SEMA5B: variants seen among roughly 807,000 people sequenced by gnomAD.
SEMA5B encodes the protein semaphorin-5B.
A neutral mutation model predicts 135.0 loss-of-function variants in SEMA5B; 66 were observed. That is an observed-to-expected ratio of 0.49 (90% CI 0.40 to 0.60). The LOEUF (loss-of-function observed/expected upper bound fraction) is 0.60, where lower values mean the gene tolerates loss of function less well. Ranked by LOEUF, SEMA5B falls within the 20% of genes least tolerant of loss-of-function variation. The probability of loss-of-function intolerance (pLI) is 0.00; values close to 1 mark genes in which losing one functional copy is unlikely to be tolerated. For missense variants in SEMA5B, 1,501 were observed against 1,566.3 expected (o/e 0.96, Z 0.70); for synonymous variants, 690 against 639.5 (o/e 1.08, Z -1.19).
rs9849701 is a variant in SEMA5B at position 122,994,320 on chromosome 3, T to G, written c.-38-33019A>C. Among the ~76,000 whole-genome samples the G allele has an allele frequency of 6.0e-3, 910 of 152,240 alleles. 17 individuals are homozygous for G. The highest frequency in any genetic ancestry group is 0.019 in the African/African-American group (805 of 41,530). On this transcript the variant is annotated intron_variant, in intron 1 of 22. Transcript: ENST00000357599. ...TTAGCCACCTGTAGGTCTGAACACC[T>G]CTCTGTTTCATATCTTGGCTACCAC...
intron 7 of SEMA5B, 86 bp from the exon 8 acceptor site, chr3:122,928,089 G>T: frequency 1.0e-6 from 1 of 978,764 alleles, no homozygotes; most frequent in East Asian, 2.8e-5. Context: ...TTCCTCCTGT[G>T]CCCCAGTCTC....
intron 1 of SEMA5B, among the ~76,000 whole-genome samples, chr3:122,969,536 C>G (rs960415977): frequency 3.3e-5 from 5 of 152,172 alleles, no homozygotes; most frequent in Non-Finnish European, 5.9e-5. Flanking sequence ...ACTGCCAGGG[C>G]CTCTGATCGT....
chr3:122,957,155 G>C (rs80030590), intron 2 of SEMA5B, among the ~76,000 whole-genome samples: 1 of 152,232 alleles, frequency 6.6e-6, no homozygotes, highest in East Asian at 1.9e-4. Flanking sequence ...CTGAAGAGGA[G>C]GATTTGTGGA....
intron 1 of SEMA5B, among the ~76,000 whole-genome samples, chr3:123,001,250 G>A (rs1942168118): frequency 6.6e-6 from 1 of 152,164 alleles, no homozygotes; most frequent in Admixed American, 6.5e-5. Context: ...TACAGTGGGT[G>A]GCAGCCACTG....
In SEMA5B at chr3:122,912,028, C is replaced by A. The variant is rs974099160; in HGVS notation, c.2938G>T (p.Asp980Tyr). The A allele has an allele frequency of 5.6e-6, 9 of 1,613,702 alleles. No individual in the cohort carries two copies. The highest frequency in any genetic ancestry group is 1.3e-5 in the African/African-American group (1 of 74,920). The change falls in exon 20 of 23, where the codon GAC becomes TAC. Residue 980 changes from aspartate to tyrosine, a missense_variant. This residue lies in a region of SEMA5B where 927 missense variants were observed against 881.6 expected (regional missense o/e 1.05). Coordinates refer to ENST00000357599, the MANE Select transcript of SEMA5B (RefSeq NM_001031702.4). The stretch of plus-strand genomic sequence containing the variant: ...TGCCGGCTTCGGCTCTGGGCTCCGT[C>A]GTCAGTGCACTTACTCCACTCAGAC... ...PWSEWSKCTD[D>Y]GAQSRSRHCE... is the part of the protein sequence containing the mutation.
intron 1 of SEMA5B, among the ~76,000 whole-genome samples, chr3:122,963,158 T>C (rs1940661662): frequency 6.6e-6 from 1 of 152,182 alleles, no homozygotes. Flanking sequence ...CTAATGAAAC[T>C]TTCAATTACA....
chr3:122,924,546 G>A (rs1425050720), intron 9 of SEMA5B, among the ~76,000 whole-genome samples: 2 of 152,190 alleles, frequency 1.3e-5, no homozygotes, highest in Non-Finnish European at 2.9e-5. Flanking sequence ...TCGCTGGACT[G>A]CTTCAAACCT....
At position 122,910,184 on chromosome 3, in the gene SEMA5B, G is replaced by T; in HGVS notation, c.3415C>A (p.Pro1139Thr). The change falls in exon 23 of 23, where the codon CCC becomes ACC. Residue 1139 changes from proline to threonine, a missense_variant. Physicochemically the swap from Pro to Thr is conservative, Grantham distance 38. Coordinates refer to ENST00000357599, the MANE Select transcript of SEMA5B (RefSeq NM_001031702.4). ...CACCGTTGTCCAGGTGAGGCCTCGG[G>T]CCGGAAGCTGTGTTTGTTCAGGGGG... is the stretch of plus-strand genomic sequence containing the variant. ...PSPLNKHSFR[P>T]EASPGQRCFP... 1.2e-5 allele frequency: 19 copies of T among 1,614,244 alleles called. No homozygotes were observed. The highest frequency in any genetic ancestry group is 1.5e-5 in the Non-Finnish European group (18 of 1,180,036).
intron 5 of SEMA5B, among the ~76,000 whole-genome samples, chr3:122,934,395 G>A (rs980308972): frequency 6.6e-6 from 1 of 152,172 alleles, no homozygotes; most frequent in Non-Finnish European, 1.5e-5. Context: ...ATTGAATGAA[G>A]TTTTTAGCTC....
intron 1 of SEMA5B, among the ~76,000 whole-genome samples, chr3:123,013,328 G>A (rs373403788): frequency 2.1e-4 from 32 of 152,230 alleles, no homozygotes; most frequent in East Asian, 1.9e-3. Flanking sequence ...CACAACACCC[G>A]CCCGCTTCTG....
intron 1 of SEMA5B, among the ~76,000 whole-genome samples, chr3:122,962,812 GCCCCAGCTTCCCCAA>G (rs1940644341): frequency 6.6e-6 from 1 of 152,116 alleles, no homozygotes; most frequent in South Asian, 2.1e-4. Flanking sequence ...CTCAGACTCT[GCCCCAGCTTCCCCAA>G]CCCCCTGACC....
chr3:122,927,961 C>T lies in SEMA5B; in HGVS notation c.679G>A (p.Ala227Thr). ...TGGCGTGGGTCATAGGGGCAGCGGG[C>T]CACACCATTGATCTTCTCAATAGTC... ...SRTIEKINGV[A>T]RCPYDPRHNS... Residue 227 changes from alanine to threonine, a missense_variant, in exon 8 of 23, where the codon GCC becomes ACC. Ala to Thr is a moderately conservative substitution (Grantham distance 58). Around this residue, in one of 2 missense-constraint regions of SEMA5B, gnomAD observed 574 missense variants for 684.7 expected, o/e 0.84. Coordinates refer to ENST00000357599, the MANE Select transcript of SEMA5B (RefSeq NM_001031702.4). The T allele has an allele frequency of 1.3e-6, 2 of 1,554,078 alleles. No homozygotes were observed. The highest frequency in any genetic ancestry group is 1.7e-6 in the Non-Finnish European group (2 of 1,148,740).
intron 1 of SEMA5B, among the ~76,000 whole-genome samples, chr3:122,974,102 C>G (rs1177264118): frequency 6.6e-6 from 1 of 152,196 alleles, no homozygotes; most frequent in Non-Finnish European, 1.5e-5. Flanking sequence ...GCACACCACC[C>G]CCCATCTGCT....
chr3:122,916,036 T>C (rs2107620055), intron 12 of SEMA5B, 146 bp from the exon 13 acceptor site: 1 of 649,894 alleles, frequency 1.5e-6, no homozygotes, highest in East Asian at 2.7e-5. Context: ...GGGCCTTTAC[T>C]GTGTGTAAGG....
chr3:122,938,404 T>G (rs1462168272), intron 5 of SEMA5B, among the ~76,000 whole-genome samples: 1 of 152,180 alleles, frequency 6.6e-6, no homozygotes, highest in Non-Finnish European at 1.5e-5. Flanking sequence ...GCACAGATTT[T>G]CTGCTTCCTT....
At chr3:123,014,875 T>C (rs1395627504) in intron 1 of SEMA5B, among the ~76,000 whole-genome samples, 3 of 152,312 alleles carry the variant, frequency 2.0e-5, no homozygotes, top group Non-Finnish European at 1.5e-5. Flanking sequence ...TGTCAGATTA[T>C]TGCCTTATTT....
intron 2 of SEMA5B, among the ~76,000 whole-genome samples, chr3:122,954,877 C>A (rs533481942): frequency 1.3e-5 from 2 of 150,568 alleles, no homozygotes; most frequent in African/African-American, 2.4e-5. Flanking sequence ...ACTGCAGCCT[C>A]AACCTCCCAG....
Position 122,913,325 on chromosome 3 carries a change from G to A in SEMA5B, c.2380C>T (p.Gln794Ter). 1 of 1,571,828 alleles carries A rather than the reference G, an allele frequency of 6.4e-7. No individual in the cohort carries two copies. The highest frequency in any genetic ancestry group is 8.6e-7 in the Non-Finnish European group (1 of 1,167,432). The change falls in exon 17 of 23, where the codon CAG becomes TAG. Residue 794 changes from glutamine (Q) to a stop codon, truncating the protein, a stop_gained. Coordinates refer to ENST00000357599, the MANE Select transcript of SEMA5B (RefSeq NM_001031702.4). LOFTEE classifies it high-confidence loss of function. ...PVNVTQGGARQEQRFRFTCRA... is the reference protein window; with the variant it reads ...PVNVTQGGAR ...CAGGTGAAGCGGAACCGCTGCTCCT[G>A]CCGTGCCCCGCCCTGCGTCACGTTC...
At chr3:123,024,324 C>T (rs1429841800) in intron 1 of SEMA5B, among the ~76,000 whole-genome samples, 2 of 152,192 alleles carry the variant, frequency 1.3e-5, no homozygotes, top group Non-Finnish European at 2.9e-5. Flanking sequence ...TTTTTAGATC[C>T]CCACTCAGGC....
Sources: allele counts gnomAD v4.1 joint callset (sites outside exome capture counted in the v4.1 genomes callset), GRCh38; gene constraint gnomAD v4.1.1; regional missense constraint gnomAD v4.1.1; transcripts MANE v1.5; gene names NCBI Gene and HGNC (gene_info 2026-07-23, HGNC 2026-07-21).